VIPR2: variants seen among roughly 807,000 people sequenced by gnomAD.
The protein encoded by VIPR2 is vasoactive intestinal polypeptide receptor 2.
In VIPR2, 48 loss-of-function variants were observed where a neutral mutation model predicts 58.0. The observed-to-expected ratio is 0.83, with a 90% confidence interval of 0.66 to 1.05. The LOEUF is 1.05. VIPR2 is among the 50% of genes least tolerant of loss of function. VIPR2 has a pLI of 0.00. For missense variants in VIPR2, 534 were observed against 558.0 expected (o/e 0.96, Z 0.43); for synonymous variants, 243 against 235.2 (o/e 1.03, Z -0.30).
At chr7:159,101,574 G>A (rs1288267692) in intron 4 of VIPR2, among the ~76,000 whole-genome samples, 6 of 112,860 alleles carry the variant, frequency 5.3e-5, no homozygotes, top group Admixed American at 9.2e-5. Flanking sequence ...GTAGTGAACG[G>A]GTCTCACGAG....
rs369547863 is a variant in VIPR2, at chr7:159,101,446, T to C, written c.357+2311A>G. On this transcript the variant is annotated intron_variant, in intron 4 of 12. Coordinates refer to ENST00000262178, the MANE Select transcript of VIPR2 (RefSeq NM_003382.5). ...AGATCCGACGAGGCGGTTCCGACTG[T>C]TCCTGTGGTAGTGAATGAGTCTCAC... 7.6e-5 allele frequency among the ~76,000 whole-genome samples: 10 copies of C among 132,184 alleles called. No individual in the cohort carries two copies. In the East Asian group the frequency reaches 1.7e-3, roughly 22 times the overall value. 86.7% of individuals were successfully genotyped at this position (132,184 alleles called of 152,430 possible).
chr7:159,138,421 A>G (rs1797316272), intron 2 of VIPR2, among the ~76,000 whole-genome samples: 1 of 152,258 alleles, frequency 6.6e-6, no homozygotes, highest in African/African-American at 2.4e-5. Flanking sequence ...AGTGGCTTGA[A>G]GTTAACCCTC....
At chr7:159,078,104 T>C (rs575586623) in intron 4 of VIPR2, among the ~76,000 whole-genome samples, 11 of 152,210 alleles carry the variant, frequency 7.2e-5, no homozygotes, top group Non-Finnish European at 1.6e-4. Flanking sequence ...AGAGAGCTCA[T>C]TGGAACACCT....
chr7:159,036,475 C>T (rs1051905248), intron 7 of VIPR2, among the ~76,000 whole-genome samples: 3 of 151,974 alleles, frequency 2.0e-5, no homozygotes, highest in African/African-American at 4.8e-5. Context: ...TGGGTAGAGG[C>T]GGAGGAGGAA....
Position 159,097,949 on chromosome 7 carries a change from G to A in VIPR2, c.357+5808C>T, listed in dbSNP as rs566217909. 6.6e-6 allele frequency among the ~76,000 whole-genome samples: 1 copy of A among 152,268 alleles called. No individual in the cohort carries two copies. Among genetic ancestry groups the A allele is most frequent in the Non-Finnish European group, 1.5e-5 (1 of 68,012 alleles). On this transcript the variant is annotated intron_variant, in intron 4 of 12. Transcript: ENST00000262178. This position sits in a 1 kb window ranked among gnomAD's most constrained non-coding sequence, Gnocchi z 5.3. ...ACTCCAACTGGCACCAGCTGGGAAC[G>A]TGCTGGAAAGGCAGGGTCTCAGCCC...
At chr7:159,126,066 C>A (rs1458974620) in intron 2 of VIPR2, among the ~76,000 whole-genome samples, 1 of 152,198 alleles carries the variant, frequency 6.6e-6, no homozygotes, top group Non-Finnish European at 1.5e-5. Context: ...CCAGATTTCA[C>A]AACCCTGTGG....
intron 2 of VIPR2, among the ~76,000 whole-genome samples, chr7:159,117,718 C>T (rs1221140457): frequency 2.0e-5 from 3 of 152,154 alleles, no homozygotes; most frequent in African/African-American, 7.2e-5. Context: ...GGTGGGTGGC[C>T]CAGGAGGCCC....
At chr7:159,051,837 T>C (rs907711425) in intron 5 of VIPR2, among the ~76,000 whole-genome samples, 1 of 152,134 alleles carries the variant, frequency 6.6e-6, no homozygotes, top group Non-Finnish European at 1.5e-5. Context: ...ATATAGATGG[T>C]AAACAGTGAA....
chr7:159,081,810 G>A (rs1856918833), intron 4 of VIPR2, among the ~76,000 whole-genome samples: 1 of 152,170 alleles, frequency 6.6e-6, no homozygotes, highest in Non-Finnish European at 1.5e-5. Flanking sequence ...CGAAGGATAT[G>A]AACAGACACT....
At chr7:159,048,244 G>A (rs1001509156) in intron 5 of VIPR2, among the ~76,000 whole-genome samples, 13 of 152,290 alleles carry the variant, frequency 8.5e-5, no homozygotes, top group African/African-American at 2.9e-4. Context: ...TGATACAAGG[G>A]TAAGCTTATT....
intron 2 of VIPR2, among the ~76,000 whole-genome samples, chr7:159,126,645 G>A (rs1402472553): frequency 6.6e-5 from 10 of 152,176 alleles, no homozygotes; most frequent in Admixed American, 6.5e-4. Flanking sequence ...AGCTGCAGCC[G>A]AGAGCTGAGG....
intron 4 of VIPR2, among the ~76,000 whole-genome samples, chr7:159,086,080 A>G (rs537768757): frequency 9.8e-4 from 149 of 152,332 alleles, no homozygotes; most frequent in Admixed American, 3.5e-3. Flanking sequence ...AAACATGTTA[A>G]TAAGAGGCAC....
intron 2 of VIPR2, among the ~76,000 whole-genome samples, chr7:159,119,024 G>A (rs533071705): frequency 6.6e-6 from 1 of 152,356 alleles, no homozygotes; most frequent in East Asian, 1.9e-4. Context: ...AATTTGCCTG[G>A]AGGATGTTTT....
At chr7:159,060,530 C>T (rs1855588428) in intron 4 of VIPR2, among the ~76,000 whole-genome samples, 1 of 152,028 alleles carries the variant, frequency 6.6e-6, no homozygotes, top group South Asian at 2.1e-4. Flanking sequence ...ACCTAACTGC[C>T]ACCCTCACAT....
chr7:159,096,479 C>T lies in VIPR2; in HGVS notation c.357+7278G>A, dbSNP rs1022340433. ...ATCATGTGGACCTCTAATTCCTTCA[C>T]CTTCATCTCCCTCCCATTAGGAGAA... On this transcript the variant is annotated intron_variant, in intron 4 of 12. Coordinates refer to ENST00000262178, the MANE Select transcript of VIPR2 (RefSeq NM_003382.5). The surrounding 1 kb of genome is among the most constrained non-coding windows in gnomAD (Gnocchi z 5.5). Among the ~76,000 whole-genome samples the T allele has an allele frequency of 3.9e-5, 6 of 152,206 alleles. No individual in the cohort carries two copies. Among genetic ancestry groups the T allele is most frequent in the Admixed American group, 3.9e-4 (6 of 15,286 alleles).
At chr7:159,133,031 C>CATACAGATTGATTT (rs1488940713) in intron 2 of VIPR2, among the ~76,000 whole-genome samples, 4 of 104,164 alleles carry the variant, frequency 3.8e-5, no homozygotes, top group East Asian at 5.6e-4. Flanking sequence ...CAGAATGATT[C>CATACAGATTGATTT]CAAAAATGCA....
At chr7:159,063,761 C>CGGGGTCTGGGAGTCCAGGT (rs1554505601) in intron 4 of VIPR2, among the ~76,000 whole-genome samples, 17 of 30,924 alleles carry the variant, frequency 5.5e-4, no homozygotes, top group African/African-American at 1.9e-3. Context: ...GGGGACCTGG[C>CGGGGTCTGGGAGTCCAGGT]GGGGTCTGGG....
chr7:159,144,477 GGGCGC>G, intron 1 of VIPR2: 1 of 1,540,628 alleles, frequency 6.5e-7, no homozygotes, highest in Non-Finnish European at 8.8e-7. Context: ...CCGGACGGTG[GGGCGC>G]GGGGAAGGGC....
At chr7:159,062,665 C>T (rs568865217) in intron 4 of VIPR2, among the ~76,000 whole-genome samples, 11 of 150,216 alleles carry the variant, frequency 7.3e-5, no homozygotes, top group Non-Finnish European at 1.6e-4. Flanking sequence ...AAAGAACAAG[C>T]AGCAGCAAGA....
Sources: gnomAD v4.1 joint callset for allele counts (sites outside exome capture counted in the v4.1 genomes callset) on GRCh38, gnomAD v4.1.1 for gene constraint, Gnocchi (gnomAD v3.1) non-coding constraint, MANE v1.5 for transcripts, NCBI Gene and HGNC (gene_info 2026-07-23, HGNC 2026-07-21) for gene names.